The following RGS7 variants were observed in gnomAD, a reference collection of about 807,000 sequenced individuals.
The protein encoded by RGS7 is regulator of G-protein signaling 7.
Under a neutral mutation model 81.1 loss-of-function variants are expected in RGS7, and 27 were observed. The ratio of observed to expected loss-of-function variants is 0.33; its 90% CI spans 0.25 to 0.46. The LOEUF (loss-of-function observed/expected upper bound fraction) is 0.46, where lower values mean the gene tolerates loss of function less well. Among genes scored for constraint, RGS7 ranks in the 20% least tolerant of loss-of-function variants. The pLI is 1.00. For missense variants in RGS7, 396 were observed against 607.4 expected (o/e 0.65, Z 3.66); for synonymous variants, 208 against 207.7 (o/e 1.00, Z -0.01).
chr1:240,942,809 T>C (rs781720588), intron 4 of RGS7, among the ~76,000 whole-genome samples: 2 of 152,208 alleles, frequency 1.3e-5, no homozygotes, highest in Admixed American at 6.5e-5. Flanking sequence ...TCCTTCAAAA[T>C]ATTATGCTTT....
intron 4 of RGS7, among the ~76,000 whole-genome samples, chr1:240,976,427 C>T (rs1475358945): frequency 6.6e-6 from 1 of 152,146 alleles, no homozygotes; most frequent in Non-Finnish European, 1.5e-5. Context: ...GGACACTGTA[C>T]CCTGATATTT....
chr1:240,834,657 T>G (rs572670001), intron 9 of RGS7, among the ~76,000 whole-genome samples: 280 of 152,054 alleles, frequency 1.8e-3, no homozygotes, highest in Non-Finnish European at 3.1e-3. Context: ...ACTACAGGTG[T>G]CCGCCACCAC....
At chr1:241,216,068 G>A (rs938111194) in intron 2 of RGS7, among the ~76,000 whole-genome samples, 1 of 151,666 alleles carries the variant, frequency 6.6e-6, no homozygotes, top group Non-Finnish European at 1.5e-5. Flanking sequence ...TTAGGAGATC[G>A]AGACCATCCT....
intron 3 of RGS7, among the ~76,000 whole-genome samples, chr1:240,993,096 AGGG>A (rs1366353032): frequency 3.9e-4 from 29 of 74,994 alleles, no homozygotes; most frequent in Non-Finnish European, 6.6e-4. Context: ...GGAAGGAAGG[AGGG>A]AGGGAGGGAG....
At chr1:241,014,227 C>T (rs2059111812) in intron 3 of RGS7, among the ~76,000 whole-genome samples, 1 of 152,226 alleles carries the variant, frequency 6.6e-6, no homozygotes, top group East Asian at 1.9e-4. Context: ...AATTTGAAGT[C>T]TTGAAATGCA....
intron 2 of RGS7, among the ~76,000 whole-genome samples, chr1:241,129,167 T>C (rs1219347229): frequency 6.6e-6 from 1 of 152,022 alleles, no homozygotes; most frequent in Non-Finnish European, 1.5e-5. Flanking sequence ...TAAGTAACAC[T>C]GAAATTCACC....
chr1:241,008,441 T>C (rs2058787478), intron 3 of RGS7, among the ~76,000 whole-genome samples: 2 of 152,178 alleles, frequency 1.3e-5, no homozygotes, highest in African/African-American at 4.8e-5. Context: ...GAGATTCTGC[T>C]TTTTAACAAG....
At chr1:241,136,248 TCC>T (rs1166935607) in intron 2 of RGS7, among the ~76,000 whole-genome samples, 12 of 152,264 alleles carry the variant, frequency 7.9e-5, no homozygotes, top group Non-Finnish European at 1.3e-4. Flanking sequence ...TGTGCTAAGC[TCC>T]TCATTACTTC....
chr1:240,926,188 T>C (rs1408183684), intron 6 of RGS7, among the ~76,000 whole-genome samples: 2 of 152,202 alleles, frequency 1.3e-5, no homozygotes, highest in African/African-American at 2.4e-5. Context: ...TGCAATTGCT[T>C]TTGAGGACTT....
chr1:241,127,943 T>C (rs1435915629), intron 2 of RGS7, among the ~76,000 whole-genome samples: 1 of 151,994 alleles, frequency 6.6e-6, no homozygotes, highest in Non-Finnish European at 1.5e-5. Flanking sequence ...TACAGTTGCA[T>C]AGATTTGAAG....
rs368610361 is a variant in RGS7, at chr1:240,913,468, C to T, written c.385+17249G>A. Among the ~76,000 whole-genome samples, 5 of 152,068 alleles carry T rather than the reference C, an allele frequency of 3.3e-5. No individual in the cohort carries two copies. The South Asian group carries it at 8.3e-4, about 25-fold the overall frequency. On this transcript the variant is annotated intron_variant, in intron 6 of 18. Coordinates refer to ENST00000440928, the MANE Select transcript of RGS7 (RefSeq NM_001364886.1). Reference sequence around the variant, plus strand: ...ATTTTCGAAAGGAGTAGAATACTTTCGGCCATAATTTTCATTTTTAAGATG... The same window carrying T: ...ATTTTCGAAAGGAGTAGAATACTTTTGGCCATAATTTTCATTTTTAAGATG...
intron 2 of RGS7, among the ~76,000 whole-genome samples, chr1:241,233,636 C>A (rs1366016861): frequency 6.6e-6 from 1 of 152,100 alleles, no homozygotes; most frequent in Non-Finnish European, 1.5e-5. Context: ...TCCTTTCACC[C>A]ATTGATGAAC....
At chr1:240,993,019 A>C (rs1325462056) in intron 3 of RGS7, among the ~76,000 whole-genome samples, 1 of 149,664 alleles carries the variant, frequency 6.7e-6, no homozygotes, top group African/African-American at 2.5e-5. Context: ...CATCTCAAAA[A>C]TTAAAATGAA....
chr1:241,108,507 C>G (rs371010893), intron 2 of RGS7, among the ~76,000 whole-genome samples: 2 of 152,076 alleles, frequency 1.3e-5, no homozygotes, highest in East Asian at 1.9e-4. Flanking sequence ...AAAATACCAA[C>G]GATGCTAAAT....
At chr1:241,156,587 G>A (rs1572920433) in intron 2 of RGS7, among the ~76,000 whole-genome samples, 1 of 141,312 alleles carries the variant, frequency 7.1e-6, no homozygotes. Flanking sequence ...GAGAGGAGGG[G>A]AGGGGAGACG....
At chr1:241,003,714 C>T (rs981047208) in intron 3 of RGS7, among the ~76,000 whole-genome samples, 7 of 152,130 alleles carry the variant, frequency 4.6e-5, no homozygotes, top group African/African-American at 1.7e-4. Context: ...GTATCTGCCT[C>T]CAGCAAAGCA....
At chr1:241,013,399 C>T (rs2059070981) in intron 3 of RGS7, among the ~76,000 whole-genome samples, 1 of 152,124 alleles carries the variant, frequency 6.6e-6, no homozygotes, top group Non-Finnish European at 1.5e-5. Context: ...TTGTGTATGG[C>T]TCCTGTGTCC....
At chr1:241,206,817 C>T (rs941534254) in intron 2 of RGS7, among the ~76,000 whole-genome samples, 1 of 152,110 alleles carries the variant, frequency 6.6e-6, no homozygotes, top group African/African-American at 2.4e-5. Context: ...GCCATGGGAA[C>T]ACCCAATTTA....
intron 2 of RGS7, among the ~76,000 whole-genome samples, chr1:241,172,224 T>C (rs1178910005): frequency 6.9e-6 from 1 of 145,662 alleles, no homozygotes; most frequent in Non-Finnish European, 1.5e-5. Flanking sequence ...CAAGTTATTC[T>C]TTTTTTAAAA....
Sources: allele counts gnomAD v4.1 joint callset (sites outside exome capture counted in the v4.1 genomes callset), GRCh38; gene constraint gnomAD v4.1.1; transcripts MANE v1.5; gene names NCBI Gene and HGNC (gene_info 2026-07-23, HGNC 2026-07-21).